FAM184A: variants seen among roughly 807,000 people sequenced by gnomAD.
FAM184A encodes the protein protein FAM184A.
In FAM184A, 99 loss-of-function variants were observed where a neutral mutation model predicts 143.8. That is an observed-to-expected ratio of 0.69 (90% CI 0.58 to 0.81). The LOEUF (loss-of-function observed/expected upper bound fraction) is 0.81. Among genes scored for constraint, FAM184A ranks in the 40% least tolerant of loss-of-function variants. The probability of loss-of-function intolerance (pLI) is 0.00; values close to 1 mark genes in which losing one functional copy is unlikely to be tolerated. For synonymous variants in FAM184A, 427 were observed against 446.4 expected (o/e 0.96, Z 0.55); for missense variants, 1,217 against 1,310.5 (o/e 0.93, Z 1.10).
chr6:119,010,082 A>T (rs1475990883), intron 6 of FAM184A, among the ~76,000 whole-genome samples: 1 of 152,208 alleles, frequency 6.6e-6, no homozygotes. Context: ...CAGCCCCAGA[A>T]CATGGAAAGA....
At chr6:118,960,730 G>T (rs1562451201) in intron 17 of FAM184A, 1 of 1,118,398 alleles carries the variant, frequency 8.9e-7, no homozygotes. Flanking sequence ...TCTAACTAAA[G>T]ATTCTTTGGG....
chr6:119,135,569 T>C (rs1016852646), intron 1 of FAM184A, among the ~76,000 whole-genome samples: 1 of 152,196 alleles, frequency 6.6e-6, no homozygotes, highest in Non-Finnish European at 1.5e-5. Flanking sequence ...TGTTCTTAAA[T>C]ATTCATCACA....
At chr6:118,972,464 T>C (rs189348420) in intron 14 of FAM184A, among the ~76,000 whole-genome samples, 40 of 152,256 alleles carry the variant, frequency 2.6e-4, no homozygotes, top group Non-Finnish European at 3.5e-4. Context: ...TAGGGGGTAA[T>C]TACCTGGTGG....
chr6:119,134,765 A>C (rs548537225), intron 1 of FAM184A, among the ~76,000 whole-genome samples: 2 of 152,336 alleles, frequency 1.3e-5, no homozygotes, highest in South Asian at 4.1e-4. Context: ...ACTCACAGGC[A>C]GAAGAGTTAA....
chr6:119,139,743 ATC>A (rs557480075), intron 1 of FAM184A, among the ~76,000 whole-genome samples: 3 of 152,154 alleles, frequency 2.0e-5, no homozygotes, highest in Non-Finnish European at 2.9e-5. Flanking sequence ...AGTTTTACAA[ATC>A]TCTCTCTCTG....
At chr6:118,971,600 A>T (rs1356194095) in intron 14 of FAM184A, among the ~76,000 whole-genome samples, 3 of 152,232 alleles carry the variant, frequency 2.0e-5, no homozygotes, top group Admixed American at 6.5e-5. Context: ...AGAAACCAGA[A>T]TCAGGACATT....
rs563453267 is a variant in FAM184A at position 119,046,314 on chromosome 6, C to A, written c.160-21501G>T. On this transcript the variant is annotated intron_variant, in intron 1 of 17. Coordinates refer to ENST00000338891, the MANE Select transcript of FAM184A (RefSeq NM_024581.6). ...TCTAGGCTCACTGCAATCTCTGCCTCCTGGGTTCAAGCGATCCTCCTGACT... is the reference window on the plus strand; with the variant it reads ...TCTAGGCTCACTGCAATCTCTGCCTACTGGGTTCAAGCGATCCTCCTGACT... Among the ~76,000 whole-genome samples the A allele has an allele frequency of 5.3e-5, 8 of 151,142 alleles. No individual in the cohort carries two copies. In the South Asian group the frequency reaches 1.0e-3, roughly 20 times the overall value.
intron 1 of FAM184A, among the ~76,000 whole-genome samples, chr6:119,077,906 C>T (rs187748657): frequency 6.6e-6 from 1 of 152,386 alleles, no homozygotes; most frequent in Non-Finnish European, 1.5e-5. Flanking sequence ...CCCCAAAGGG[C>T]AAGGAGGTGC....
intron 1 of FAM184A, among the ~76,000 whole-genome samples, chr6:119,034,991 A>G (rs189877941): frequency 1.3e-5 from 2 of 152,226 alleles, no homozygotes; most frequent in Non-Finnish European, 2.9e-5. Flanking sequence ...TCGCCTGAGT[A>G]ATAACAGCTG....
chr6:119,002,980 A>G lies in FAM184A; in HGVS notation c.2007T>C (p.Ser669=). 5 of 1,613,116 alleles carry G rather than the reference A, an allele frequency of 3.1e-6. No individual in the cohort carries two copies. The highest frequency in any genetic ancestry group is 4.2e-6 in the Non-Finnish European group (5 of 1,179,620). Residue 669 remains serine (S), a synonymous_variant, in exon 9 of 18, where the codon TCT becomes TCC. Coordinates refer to ENST00000338891, the MANE Select transcript of FAM184A (RefSeq NM_024581.6). ...CTCGATCTTTCAACTGCAAAAGTTG[A>G]GACATTGCTGACTTCTTATCCTCTT... ...QHEEDKKSAM[S]QLLQLKDREK... is the part of the protein sequence containing the mutation.
chr6:119,068,971 T>C, intron 1 of FAM184A: 1 of 297,922 alleles, frequency 3.4e-6, no homozygotes, highest in Non-Finnish European at 7.3e-6. Flanking sequence ...AATGTACTGA[T>C]AAATATGTTG....
intron 1 of FAM184A, among the ~76,000 whole-genome samples, chr6:119,139,804 C>G (rs114349747): frequency 2.6e-5 from 4 of 152,206 alleles, no homozygotes; most frequent in Non-Finnish European, 5.9e-5. Flanking sequence ...GTTGTCTTCA[C>G]GTCCTCTTTT....
intron 1 of FAM184A, among the ~76,000 whole-genome samples, chr6:119,107,262 T>C (rs1315655375): frequency 6.6e-6 from 1 of 152,126 alleles, no homozygotes; most frequent in Non-Finnish European, 1.5e-5. Context: ...AAAATACTTA[T>C]GTTTACTAAT....
At chr6:119,126,904 G>A (rs1007241525) in intron 1 of FAM184A, among the ~76,000 whole-genome samples, 5 of 152,200 alleles carry the variant, frequency 3.3e-5, no homozygotes, top group African/African-American at 1.2e-4. Flanking sequence ...AAGTCTGGCT[G>A]TCTCTGGCCG....
At chr6:119,073,023 A>G (rs1332256134) in intron 1 of FAM184A, among the ~76,000 whole-genome samples, 1 of 152,228 alleles carries the variant, frequency 6.6e-6, no homozygotes. Context: ...GTTACATGTA[A>G]TAAAAGATAC....
intron 1 of FAM184A, among the ~76,000 whole-genome samples, chr6:119,073,267 CAAAAT>C (rs1787757794): frequency 6.6e-6 from 1 of 152,144 alleles, no homozygotes; most frequent in African/African-American, 2.4e-5. Flanking sequence ...ACAGAAAACA[CAAAAT>C]AAACTACTTC....
At chr6:119,076,467 G>A (rs986854297) in intron 1 of FAM184A, among the ~76,000 whole-genome samples, 1 of 152,052 alleles carries the variant, frequency 6.6e-6, no homozygotes, top group Admixed American at 6.6e-5. Context: ...ACCAGCTTCC[G>A]ATCAATACAC....
chr6:119,139,325 C>T (rs1179270613), intron 1 of FAM184A, among the ~76,000 whole-genome samples: 1 of 152,156 alleles, frequency 6.6e-6, no homozygotes, highest in Non-Finnish European at 1.5e-5. Context: ...AAACCACAGG[C>T]CTCTCTGGAG....
At chr6:119,139,099 C>A (rs1404722408) in intron 1 of FAM184A, among the ~76,000 whole-genome samples, 1 of 152,146 alleles carries the variant, frequency 6.6e-6, no homozygotes, top group Non-Finnish European at 1.5e-5. Flanking sequence ...GGGGATGGGG[C>A]TTGGTCCTGC....
Sources: gnomAD v4.1 joint callset for allele counts (sites outside exome capture counted in the v4.1 genomes callset) on GRCh38, gnomAD v4.1.1 for gene constraint, MANE v1.5 for transcripts, NCBI Gene and HGNC (gene_info 2026-07-23, HGNC 2026-07-21) for gene names.